The following PEMT variants were observed in gnomAD, a reference collection of about 807,000 sequenced individuals.
PEMT encodes the protein phosphatidylethanolamine N-methyltransferase, also known as phospholipid methyltransferase.
In PEMT, 23 loss-of-function variants were observed where a neutral mutation model predicts 27.4. The observed-to-expected ratio is 0.84, with a 90% confidence interval of 0.60 to 1.19. The LOEUF is 1.19. PEMT is among the 50% of genes most tolerant of loss of function. PEMT has a pLI of 0.00. For synonymous variants in PEMT, 137 were observed against 139.1 expected (o/e 0.98, Z 0.11); for missense variants, 307 against 310.1 (o/e 0.99, Z 0.07).
intron 5 of PEMT, chr17:17,507,453 C>G (rs1905968208): frequency 1.8e-6 from 1 of 546,546 alleles, no homozygotes; most frequent in East Asian, 2.9e-5. Context: ...GCCTTCCACC[C>G]CTGGACCTCA....
In PEMT at chr17:17,512,380, G is replaced by A. The variant is rs185086613; in HGVS notation, c.466+129C>T. ...AAGCCAGGCCTGGAGGAGCAAAGAC[G>A]CCCCGATGGAGGGGGCCCCTAGCAC... On this transcript the variant is annotated intron_variant, in intron 4 of 6. Transcript: ENST00000255389. The surrounding 1 kb of genome is among the most constrained non-coding windows in gnomAD (Gnocchi z 6.3). The A allele has an allele frequency of 2.5e-4, 195 of 782,570 alleles. 1 individual carries two copies. The African/African-American group carries it at 3.2e-3, about 13-fold the overall frequency. 48.5% of individuals were successfully genotyped at this position (782,570 alleles called of 1,614,324 possible). A position where few individuals can be genotyped will look rare whatever the true frequency, so the allele number is the denominator to read the frequency against.
chr17:17,521,472 C>G (rs1055783764), intron 3 of PEMT, among the ~76,000 whole-genome samples: 21 of 152,146 alleles, frequency 1.4e-4, no homozygotes, highest in Non-Finnish European at 2.8e-4. Flanking sequence ...TGTGCCTCAT[C>G]ATCTAGTTCC....
intron 1 of PEMT, among the ~76,000 whole-genome samples, chr17:17,589,832 C>A (rs1002780167): frequency 6.6e-6 from 1 of 152,304 alleles, no homozygotes; most frequent in Non-Finnish European, 1.5e-5. Context: ...ACAAGGACAG[C>A]AGAAGAAAAG....
intron 2 of PEMT, among the ~76,000 whole-genome samples, chr17:17,573,419 A>G (rs960704817): frequency 6.6e-6 from 1 of 151,478 alleles, no homozygotes; most frequent in Admixed American, 6.6e-5. Context: ...GTAAGCCAAG[A>G]TCATGCCACT....
chr17:17,512,784 G>A lies in PEMT; in HGVS notation c.321-130C>T. On this transcript the variant is annotated intron_variant, in intron 3 of 6. Transcript: ENST00000255389. This position sits in a 1 kb window ranked among gnomAD's most constrained non-coding sequence, Gnocchi z 6.3. ...AGAGTAGCCAGCCCAGGGCTGCCAG[G>A]CCAGGCAGGCAGCAGGTGGGGTCCA... 1 of 831,976 alleles carries A rather than the reference G, an allele frequency of 1.2e-6. No individual in the cohort carries two copies. The highest frequency in any genetic ancestry group is 1.6e-6 in the Non-Finnish European group (1 of 607,304). 51.5% of individuals were successfully genotyped at this position (831,976 alleles called of 1,614,324 possible). A position where few individuals can be genotyped will look rare whatever the true frequency, so the allele number is the denominator to read the frequency against.
intron 2 of PEMT, among the ~76,000 whole-genome samples, chr17:17,546,040 A>G (rs1170987434): frequency 6.6e-6 from 1 of 152,134 alleles, no homozygotes; most frequent in East Asian, 1.9e-4. Flanking sequence ...CCAGCACAGC[A>G]TCTGCTGAGC....
In PEMT at chr17:17,561,262, A is replaced by G. The variant is rs1253234726; in HGVS notation, c.204+15658T>C. Among the ~76,000 whole-genome samples the G allele has an allele frequency of 6.6e-6, 1 of 152,092 alleles. No homozygotes were observed. Among genetic ancestry groups the G allele is most frequent in the African/African-American group, 2.4e-5 (1 of 41,400 alleles). On this transcript the variant is annotated intron_variant, in intron 2 of 6. Transcript: ENST00000255389. This position sits in a 1 kb window ranked among gnomAD's most constrained non-coding sequence, Gnocchi z 4.5. ...ACGGAGTGTGTCACATCCTCACACG[A>G]CCCAGGAGGTGGAACCTACAGGTAA...
chr17:17,570,663 A>G (rs1269541762), intron 2 of PEMT: 2 of 985,326 alleles, frequency 2.0e-6, no homozygotes, highest in African/African-American at 3.5e-5. Flanking sequence ...CTGAGGATAC[A>G]GGTGGGAGGA....
At chr17:17,552,048 A>G (rs1345584652) in intron 2 of PEMT, among the ~76,000 whole-genome samples, 1 of 152,212 alleles carries the variant, frequency 6.6e-6, no homozygotes, top group Non-Finnish European at 1.5e-5. Flanking sequence ...CTAAAAATAC[A>G]AAAATTAGTC....
intron 3 of PEMT, among the ~76,000 whole-genome samples, chr17:17,515,444 G>A (rs912238713): frequency 5.3e-5 from 8 of 152,260 alleles, no homozygotes; most frequent in Admixed American, 2.0e-4. Context: ...CTCCGCCTAC[G>A]GCCCCAGTCC....
In PEMT at chr17:17,524,847, C is replaced by T. The variant is rs528676972; in HGVS notation, c.205-2452G>A. ...CTTTCCAGCTGGGCGTGGTGGCTCA[C>T]GCCTGTAATCCCAGCACTTTGGGAG... On this transcript the variant is annotated intron_variant, in intron 2 of 6. Coordinates refer to ENST00000255389, the MANE Select transcript of PEMT (RefSeq NM_148172.3). Among the ~76,000 whole-genome samples, 57 of 152,294 alleles carry T rather than the reference C, an allele frequency of 3.7e-4. 1 individual carries two copies. Among genetic ancestry groups the T allele is most frequent in the South Asian group, 3.3e-3 (16 of 4,818 alleles).
At chr17:17,546,271 C>G (rs116279342) in intron 2 of PEMT, among the ~76,000 whole-genome samples, 1 of 152,164 alleles carries the variant, frequency 6.6e-6, no homozygotes, top group Non-Finnish European at 1.5e-5. Flanking sequence ...GTGTGGGCCA[C>G]GGCATGTCCT....
At chr17:17,548,713 T>G (rs1909433099) in intron 2 of PEMT, among the ~76,000 whole-genome samples, 1 of 152,170 alleles carries the variant, frequency 6.6e-6, no homozygotes. Flanking sequence ...CACGCCTGGC[T>G]AAGTTTGCAT....
chr17:17,560,357 C>T (rs903961766), intron 2 of PEMT, among the ~76,000 whole-genome samples: 21 of 152,206 alleles, frequency 1.4e-4, no homozygotes, highest in African/African-American at 5.1e-4. Context: ...ACTCGCCAGC[C>T]GGGGCCAGGT....
chr17:17,583,098 G>C (rs1015600430), intron 1 of PEMT, among the ~76,000 whole-genome samples: 2 of 151,368 alleles, frequency 1.3e-5, no homozygotes, highest in South Asian at 4.2e-4. Flanking sequence ...TTCTCTGGCC[G>C]TGCCCAGTGG....
chr17:17,525,024 T>C (rs555306592), intron 2 of PEMT, among the ~76,000 whole-genome samples: 2 of 152,184 alleles, frequency 1.3e-5, no homozygotes, highest in East Asian at 1.9e-4. Flanking sequence ...GAAGAATTGC[T>C]TGAACCTAGG....
upstream of PEMT, chr17:17,591,935 C>T (rs1481982127): frequency 4.1e-6 from 4 of 985,318 alleles, no homozygotes; most frequent in African/African-American, 1.7e-5. Context: ...TGCCTTTGGT[C>T]GCCGGCTGCC....
chr17:17,546,867 G>A (rs976629192), intron 2 of PEMT, among the ~76,000 whole-genome samples: 2 of 152,272 alleles, frequency 1.3e-5, no homozygotes, highest in African/African-American at 2.4e-5. Flanking sequence ...AGCAAAGTTG[G>A]TTCATTTGCT....
chr17:17,567,163 A>G (rs962038625), intron 2 of PEMT, among the ~76,000 whole-genome samples: 1 of 152,224 alleles, frequency 6.6e-6, no homozygotes, highest in African/African-American at 2.4e-5. Flanking sequence ...GCTCAGTGGA[A>G]GAGATCGGCT....
Sources: gnomAD v4.1 joint callset for allele counts (sites outside exome capture counted in the v4.1 genomes callset) on GRCh38, gnomAD v4.1.1 for gene constraint, Gnocchi (gnomAD v3.1) non-coding constraint, MANE v1.5 for transcripts, NCBI Gene and HGNC (gene_info 2026-07-23, HGNC 2026-07-21) for gene names.